Variants in ISLR2 observed in about 807,000 individuals in gnomAD.
The protein encoded by ISLR2 is immunoglobulin superfamily containing leucine-rich repeat protein 2.
In ISLR2, 16 loss-of-function variants were observed where a neutral mutation model predicts 25.5. That is an observed-to-expected ratio of 0.63 (90% CI 0.43 to 0.95). ISLR2 has a LOEUF of 0.95. Ranked by LOEUF, ISLR2 falls within the 40% of genes least tolerant of loss-of-function variation. The probability of loss-of-function intolerance (pLI) is 0.00; values close to 1 mark genes in which losing one functional copy is unlikely to be tolerated. For synonymous variants in ISLR2, 508 were observed against 486.6 expected (o/e 1.04, Z -0.58); for missense variants, 883 against 1,030.7 (o/e 0.86, Z 1.96).
chr15:74,110,027 C>G (rs879628389), intron 2 of ISLR2, among the ~76,000 whole-genome samples: 3 of 152,072 alleles, frequency 2.0e-5, no homozygotes, highest in African/African-American at 7.2e-5. Context: ...CTCCTTGGCT[C>G]GAGCAATTCA....
At chr15:74,113,899 G>T (rs2072190291) in intron 2 of ISLR2, among the ~76,000 whole-genome samples, 1 of 152,208 alleles carries the variant, frequency 6.6e-6, no homozygotes, top group Admixed American at 6.5e-5. Flanking sequence ...GCTGGGCCTT[G>T]CAGAGTCTCA....
At chr15:74,127,879 C>T (rs2072319774), upstream of ISLR2, 1 of 152,608 alleles carries the variant, frequency 6.6e-6, no homozygotes, top group African/African-American at 2.4e-5. Flanking sequence ...GCTCTCCATT[C>T]CTGGGTCTGT....
chr15:74,129,036 C>A (rs1179949555), upstream of ISLR2: 4 of 456,618 alleles, frequency 8.8e-6, no homozygotes, highest in African/African-American at 8.0e-5. This position sits in a 1 kb window ranked among gnomAD's most constrained non-coding sequence, Gnocchi z 4.5. Context: ...AGTGCTCTCA[C>A]CCCTCGACCA....
At chr15:74,123,612 T>C (rs557299069), upstream of ISLR2, among the ~76,000 whole-genome samples, 7 of 152,308 alleles carry the variant, frequency 4.6e-5, no homozygotes, top group East Asian at 1.4e-3. Flanking sequence ...ACATTTTTCC[T>C]AAGACCAAGG....
Position 74,134,236 on chromosome 15 carries a change from G to T in ISLR2, c.1482G>T (p.Ala494=). ...FELGVIALDV[A]EREARVQLTP... ...TGGGCGTCATCGCGCTGGATGTGGC[G>T]GAGCGCGAGGCGCGGGTGCAGCTGA... Residue 494 remains alanine, a synonymous_variant, in exon 3 of 3, where the codon GCG becomes GCT. Coordinates refer to ENST00000453268, the MANE Select transcript of ISLR2 (RefSeq NM_020851.3). 6.3e-7 allele frequency: 1 copy of T among 1,593,782 alleles called. No homozygotes were observed. Among genetic ancestry groups the T allele is most frequent in the Non-Finnish European group, 8.5e-7 (1 of 1,170,460 alleles).
chr15:74,137,203 CTG>C (rs1359821105), downstream of ISLR2, among the ~76,000 whole-genome samples: 1 of 152,230 alleles, frequency 6.6e-6, no homozygotes, highest in Non-Finnish European at 1.5e-5. Flanking sequence ...TGCCCAGTTT[CTG>C]TGTCTCCACA....
intron 2 of ISLR2, chr15:74,131,757 C>T (rs1051111196): frequency 6.6e-6 from 1 of 152,288 alleles, no homozygotes; most frequent in African/African-American, 2.4e-5. Flanking sequence ...GCTTTCCCAA[C>T]ACACCTGGTC....
rs769324663 is a variant in ISLR2 at position 74,134,268 on chromosome 15, T to G, written c.1514T>G (p.Leu505Arg). 3.9e-6 allele frequency: 6 copies of G among 1,558,066 alleles called. No individual in the cohort carries two copies. Among genetic ancestry groups the G allele is most frequent in the Admixed American group, 1.9e-5 (1 of 51,916 alleles). ...GAGGCGCGGGTGCAGCTGACTCCGC[T>G]GGCTGCGCGCTGGGGCCCTGGGCCC... ...EREARVQLTP[L>R]AARWGPGPGG... The change falls in exon 3 of 3, where the codon CTG (leucine) becomes CGG (arginine). Residue 505 changes from leucine to arginine, a missense_variant. By Grantham distance (102) the Leu-to-Arg change is moderately radical. Around this residue, in one of 2 missense-constraint regions of ISLR2, gnomAD observed 612 missense variants for 642.8 expected, o/e 0.95. Coordinates refer to ENST00000453268, the MANE Select transcript of ISLR2 (RefSeq NM_020851.3).
chr15:74,125,756 G>A (rs572628193), upstream of ISLR2, among the ~76,000 whole-genome samples: 3 of 152,308 alleles, frequency 2.0e-5, no homozygotes, highest in South Asian at 2.1e-4. Context: ...TAATAATGTC[G>A]AGCTTCATTT....
Position 74,133,427 on chromosome 15 carries a change from C to G in ISLR2, c.673C>G (p.Leu225Val). Residue 225 changes from leucine to valine, a missense_variant, in exon 3 of 3, where the codon CTG becomes GTG. Physicochemically the swap from Leu to Val is conservative, Grantham distance 32. Transcript: ENST00000453268. ...PALQGVPVYR[L>V]PALPCAPPSV... ...GCTGCAGGGGGTGCCGGTGTACCGCCTGCCCGCCCTGCCCTGTGCACCGCC... is the reference window on the plus strand; with the variant it reads ...GCTGCAGGGGGTGCCGGTGTACCGCGTGCCCGCCCTGCCCTGTGCACCGCC... 1 of 1,608,036 alleles carries G rather than the reference C, an allele frequency of 6.2e-7. No individual in the cohort carries two copies. The highest frequency in any genetic ancestry group is 8.5e-7 in the Non-Finnish European group (1 of 1,179,466).
At chr15:74,128,313 G>A, upstream of ISLR2, 1 of 411,838 alleles carries the variant, frequency 2.4e-6, no homozygotes, top group Non-Finnish European at 4.7e-6. Flanking sequence ...CAGGGGTAAG[G>A]GGCGTCTTTC....
At chr15:74,128,456 G>A (rs2072331573), upstream of ISLR2, 1 of 456,500 alleles carries the variant, frequency 2.2e-6, no homozygotes, top group African/African-American at 2.0e-5. Context: ...TCTCCCTGCC[G>A]AACTCCTTGG....
At chr15:74,112,389 T>C (rs2072174875) in intron 2 of ISLR2, among the ~76,000 whole-genome samples, 1 of 152,230 alleles carries the variant, frequency 6.6e-6, no homozygotes. Context: ...GACATACTTA[T>C]ACTAAAAATC....
chr15:74,107,512 G>C (rs1176994618), intron 2 of ISLR2, among the ~76,000 whole-genome samples: 1 of 152,120 alleles, frequency 6.6e-6, no homozygotes, highest in Non-Finnish European at 1.5e-5. Context: ...CACTTGTTTT[G>C]CATTCCAGTC....
chr15:74,121,599 C>A (rs1394552100), intron 2 of ISLR2, among the ~76,000 whole-genome samples: 5 of 152,148 alleles, frequency 3.3e-5, no homozygotes, highest in African/African-American at 1.2e-4. Context: ...GGAGGGGAAA[C>A]TGAGGCTGAG....
intron 2 of ISLR2, among the ~76,000 whole-genome samples, chr15:74,106,369 A>G (rs1290332988): frequency 6.6e-6 from 1 of 152,082 alleles, no homozygotes; most frequent in Non-Finnish European, 1.5e-5. Flanking sequence ...AGATCCCCTG[A>G]TCATCATGCC....
In ISLR2 at chr15:74,134,323, G is replaced by A. The variant is rs901121876; in HGVS notation, c.1569G>A (p.Gly523=). The A allele has an allele frequency of 6.5e-7, 1 of 1,537,598 alleles. No homozygotes were observed. Among genetic ancestry groups the A allele is most frequent in the South Asian group, 1.2e-5 (1 of 82,920 alleles). The change falls in exon 3 of 3, where the codon GGG becomes GGA. Residue 523 remains glycine, a synonymous_variant. Transcript: ENST00000453268. ...PGGAGGAPRP[G]RRPLRLLYLC... ...GGGCTGGCGGAGCCCCGCGACCCGG[G>A]CGGCGACCCCTGCGCCTACTCTATC...
intron 2 of ISLR2, among the ~76,000 whole-genome samples, chr15:74,118,089 G>A (rs1326811761): frequency 6.6e-6 from 1 of 152,170 alleles, no homozygotes; most frequent in African/African-American, 2.4e-5. Context: ...ATTTCACATA[G>A]GTTCTTTTCT....
Position 74,134,898 on chromosome 15 carries a change from C to T in ISLR2, c.2144C>T (p.Ala715Val), listed in dbSNP as rs780875337. The T allele has an allele frequency of 1.3e-5, 21 of 1,614,008 alleles. No individual in the cohort carries two copies. The highest frequency in any genetic ancestry group is 8.9e-5 in the East Asian group (4 of 44,876). The change falls in exon 3 of 3, where the codon GCG becomes GTG. Residue 715 changes from alanine to valine, a missense_variant. Physicochemically the swap from Ala to Val is moderately conservative, Grantham distance 64. Coordinates refer to ENST00000453268, the MANE Select transcript of ISLR2 (RefSeq NM_020851.3). ...QSKANQEEFEAGSEYSDRLPL... is the reference protein window; with the variant it reads ...QSKANQEEFEVGSEYSDRLPL... Reference sequence around the variant, plus strand: ...AAGGCCAACCAAGAGGAGTTCGAGGCGGGCTCTGAGTACAGCGATCGGCTG... The same window carrying T: ...AAGGCCAACCAAGAGGAGTTCGAGGTGGGCTCTGAGTACAGCGATCGGCTG...
Sources: allele counts gnomAD v4.1 joint callset (sites outside exome capture counted in the v4.1 genomes callset), GRCh38; gene constraint gnomAD v4.1.1; regional missense constraint gnomAD v4.1.1; non-coding constraint Gnocchi (gnomAD v3.1); transcripts MANE v1.5; gene names NCBI Gene and HGNC (gene_info 2026-07-23, HGNC 2026-07-21).